The following RPS25 variants were observed in gnomAD, a reference collection of about 807,000 sequenced individuals.
RPS25 encodes ribosomal protein S25, also known as small ribosomal subunit protein eS25.
In RPS25, 1 loss-of-function variant was observed where a neutral mutation model predicts 14.4. The ratio of observed to expected loss-of-function variants is 0.07; its 90% CI spans 0.02 to 0.33. The LOEUF (loss-of-function observed/expected upper bound fraction) is 0.33. Ranked by LOEUF, RPS25 falls within the 10% of genes least tolerant of loss-of-function variation. The pLI is 1.00. For missense variants in RPS25, 65 were observed against 144.6 expected (o/e 0.45, Z 2.82); for synonymous variants, 63 against 53.8 (o/e 1.17, Z -0.75).
chr11:119,018,095 C>T (rs782087633), intron 1 of RPS25, 42 bp from the exon 2 acceptor site: 2 of 1,592,208 alleles, frequency 1.3e-6, no homozygotes, highest in South Asian at 2.2e-5. Context: ...CCTCAAATAG[C>T]GCCAAAGTCC....
chr11:119,018,118 C>G, intron 1 of RPS25, 65 bp from the exon 2 acceptor site: 1 of 1,566,058 alleles, frequency 6.4e-7, no homozygotes, highest in East Asian at 2.2e-5. Flanking sequence ...TAATACTGCG[C>G]CCTCAGCCCC....
chr11:119,017,685 AAAC>A, intron 2 of RPS25, 140 bp from the exon 3 acceptor site: 3 of 859,000 alleles, frequency 3.5e-6, no homozygotes, highest in South Asian at 1.8e-5. Context: ...AACAAAAAAA[AAAC>A]ACCGACACGT....
intron 3 of RPS25, among the ~76,000 whole-genome samples, chr11:119,016,368 G>A (rs969752616): frequency 7.9e-5 from 12 of 152,108 alleles, no homozygotes. Flanking sequence ...CAGGAGACCA[G>A]CCTGGGCAAC....
intron 3 of RPS25, among the ~76,000 whole-genome samples, chr11:119,016,350 CTT>C (rs781961415): frequency 6.6e-5 from 10 of 152,096 alleles, no homozygotes; most frequent in Non-Finnish European, 1.2e-4. Flanking sequence ...AGGTGGATCT[CTT>C]GAGCCCAGGA....
At chr11:119,015,970 T>G (rs1286502017) in intron 3 of RPS25, 31 bp from the exon 4 acceptor site, 1 of 1,312,918 alleles carries the variant, frequency 7.6e-7, no homozygotes, top group Non-Finnish European at 1.1e-6. Flanking sequence ...GATGAGATGC[T>G]TAACAGATGC....
rs782353944 is a variant in RPS25, at chr11:119,017,902, C to T, written c.99+56G>A. The T allele has an allele frequency of 3.8e-5, 52 of 1,381,286 alleles. No homozygotes were observed. In the African/African-American group the frequency reaches 6.3e-4, roughly 17 times the overall value. 85.6% of individuals were successfully genotyped at this position (1,381,286 alleles called of 1,614,324 possible). A position where few individuals can be genotyped will look rare whatever the true frequency, so the allele number is the denominator to read the frequency against. ...CACTTACTATACAAGTTACCTATTA[C>T]TAGAGGATTACGAGAGAGTTACCCC... On this transcript the variant is annotated intron_variant, in intron 2 of 4. Coordinates refer to ENST00000527673, the MANE Select transcript of RPS25 (RefSeq NM_001028.3).
chr11:119,018,129 C>A, intron 1 of RPS25, 76 bp from the exon 2 acceptor site: 2 of 1,562,428 alleles, frequency 1.3e-6, no homozygotes, highest in Non-Finnish European at 1.8e-6. Flanking sequence ...CCTCAGCCCC[C>A]GCAAACTCCA....
chr11:119,017,945 G>A lies in RPS25; in HGVS notation c.99+13C>T, dbSNP rs369198900. The A allele has an allele frequency of 4.4e-4, 706 of 1,598,848 alleles. 1 individual carries two copies. The highest frequency in any genetic ancestry group is 7.7e-4 in the Middle Eastern group (4 of 5,162). On this transcript the variant is annotated intron_variant, in intron 2 of 4. Coordinates refer to ENST00000527673, the MANE Select transcript of RPS25 (RefSeq NM_001028.3). ...GTTACCCCTAGTCTCTTTCAGAGAG[G>A]TCTTATTTCTACCTTCTTTTTGGCC...
At chr11:119,016,369 C>G (rs1943156062) in intron 3 of RPS25, among the ~76,000 whole-genome samples, 1 of 152,052 alleles carries the variant, frequency 6.6e-6, no homozygotes. Context: ...AGGAGACCAG[C>G]CTGGGCAACA....
intron 2 of RPS25, 117 bp downstream of exon 2, chr11:119,017,841 T>C: frequency 1.2e-6 from 1 of 829,934 alleles, no homozygotes. Context: ...AGATAAACTC[T>C]CACATTTTGA....
Position 119,018,130 on chromosome 11 carries a change from G to A in RPS25, c.4-77C>T, listed in dbSNP as rs181648896. 5.1e-6 allele frequency: 8 copies of A among 1,556,598 alleles called. No individual in the cohort carries two copies. In the African/African-American group the frequency reaches 5.4e-5, roughly 11 times the overall value. ...CCCTAATACTGCGCCCTCAGCCCCC[G>A]CAAACTCCACCACCAGAGCACATGG... On this transcript the variant is annotated intron_variant, in intron 1 of 4. Coordinates refer to ENST00000527673, the MANE Select transcript of RPS25 (RefSeq NM_001028.3).
intron 3 of RPS25, among the ~76,000 whole-genome samples, chr11:119,016,884 A>C (rs1211915555): frequency 6.6e-6 from 1 of 152,128 alleles, no homozygotes; most frequent in African/African-American, 2.4e-5. Context: ...GGCCTCCCAA[A>C]GTGCTAGAAT....
In RPS25 at chr11:119,015,823, C is replaced by CCA; in HGVS notation, c.*4+16_*4+17dup. The CCA allele has an allele frequency of 6.6e-7, 1 of 1,518,406 alleles. No homozygotes were observed. The highest frequency in any genetic ancestry group is 9.1e-7 in the Non-Finnish European group (1 of 1,092,916). The allele number at this position is 1,518,406 out of a possible 1,614,324, so 94.1% of individuals were successfully genotyped here. On this transcript the variant is annotated intron_variant, in intron 4 of 4. Transcript: ENST00000527673. Reference sequence around the variant, plus strand: ...TGTATCTACCTCCTACACCATGAGCCCACACATTCCTACTCACCTATTCAT... The same window carrying CCA: ...TGTATCTACCTCCTACACCATGAGCCCACACACATTCCTACTCACCTATTCAT...
chr11:119,017,954 C>T lies in RPS25; in HGVS notation c.99+4G>A, dbSNP rs953511615. Reference sequence around the variant, plus strand: ...AGTCTCTTTCAGAGAGGTCTTATTTCTACCTTCTTTTTGGCCTTGCCCCCG... The same window carrying T: ...AGTCTCTTTCAGAGAGGTCTTATTTTTACCTTCTTTTTGGCCTTGCCCCCG... On this transcript the variant is annotated splice_donor_region_variant and intron_variant, in intron 2 of 4. Transcript: ENST00000527673. The T allele has an allele frequency of 6.2e-6, 10 of 1,610,232 alleles. No homozygotes were observed. In the African/African-American group the frequency reaches 9.4e-5, roughly 15 times the overall value.
chr11:119,017,222 A>C (rs1167512889), intron 3 of RPS25, 140 bp downstream of exon 3: 25 of 611,834 alleles, frequency 4.1e-5, no homozygotes, highest in Non-Finnish European at 4.1e-5. Flanking sequence ...GTAAGACGTC[A>C]GAATTACATT....
chr11:119,018,331 G>T lies in RPS25; in HGVS notation c.-47C>A. The T allele has an allele frequency of 6.2e-7, 1 of 1,613,886 alleles. No individual in the cohort carries two copies. Among genetic ancestry groups the T allele is most frequent in the Non-Finnish European group, 8.5e-7 (1 of 1,179,908 alleles). On this transcript the variant is annotated 5_prime_UTR_variant, in exon 1 of 5. Coordinates refer to ENST00000527673, the MANE Select transcript of RPS25 (RefSeq NM_001028.3). Reference sequence around the variant, plus strand: ...GCAGACACCGCAGCCTCGTCAAGATGTCGGACAAAAAGGAAGCGCTGCTCA... The same window carrying T: ...GCAGACACCGCAGCCTCGTCAAGATTTCGGACAAAAAGGAAGCGCTGCTCA...
intron 2 of RPS25, 80 bp from the exon 3 acceptor site, chr11:119,017,625 G>A (rs924950446): frequency 2.8e-5 from 34 of 1,223,490 alleles, no homozygotes; most frequent in African/African-American, 2.4e-4. Context: ...CTGCGTCAGA[G>A]AAATCTGTTC....
chr11:119,018,194 G>C, intron 1 of RPS25, 88 bp downstream of exon 1: 1 of 1,600,274 alleles, frequency 6.2e-7, no homozygotes, highest in Non-Finnish European at 8.6e-7. Context: ...ACCGAGGCCG[G>C]CAGGCCAAGG....
At chr11:119,017,721 G>A (rs1565676490) in intron 2 of RPS25, 176 bp from the exon 3 acceptor site, 3 of 697,102 alleles carry the variant, frequency 4.3e-6, no homozygotes, top group East Asian at 2.7e-5. Flanking sequence ...AACAGGGGCC[G>A]AGCCCCACTA....
Sources: allele counts gnomAD v4.1 joint callset (sites outside exome capture counted in the v4.1 genomes callset), GRCh38; gene constraint gnomAD v4.1.1; transcripts MANE v1.5; gene names NCBI Gene and HGNC (gene_info 2026-07-23, HGNC 2026-07-21).